PCDHA7: variants seen among roughly 807,000 people sequenced by gnomAD.
The protein encoded by PCDHA7 is protocadherin alpha-7.
PCDHA7 carries 37 observed loss-of-function variants against 57.2 expected under a neutral mutation model. The ratio of observed to expected loss-of-function variants is 0.65; its 90% CI spans 0.50 to 0.85. PCDHA7 has a LOEUF of 0.85. Ranked by LOEUF, PCDHA7 falls within the 40% of genes least tolerant of loss-of-function variation. The pLI, the probability that PCDHA7 is intolerant of heterozygous loss-of-function variation, is 0.00. For synonymous variants in PCDHA7, 553 were observed against 558.8 expected, an observed-to-expected ratio of 0.99 and a Z score of 0.15; for missense variants, 1,188 against 1,241.8, an observed-to-expected ratio of 0.96 and a Z score of 0.65.
At chr5:140,875,761 G>C (rs373515339) in intron 1 of PCDHA7, 4 of 1,614,118 alleles carry the variant, frequency 2.5e-6, no homozygotes, top group East Asian at 4.5e-5. Context: ...GAAGCTGTGC[G>C]GGCGGAGCGC....
intron 1 of PCDHA7, among the ~76,000 whole-genome samples, chr5:140,963,686 G>A (rs181667037): frequency 2.7e-4 from 41 of 152,226 alleles, no homozygotes; most frequent in Middle Eastern, 3.4e-3. Flanking sequence ...GTGTTTATCC[G>A]TGTTTGATAT....
chr5:140,849,632 A>G lies in PCDHA7; in HGVS notation c.2355+12894A>G, dbSNP rs2150443246. On this transcript the variant is annotated intron_variant, in intron 1 of 3. Transcript: ENST00000525929. ...TGATTAGTGTGATCGACCTAGACGCAGATGCCAACGGGCAGGTTACCTGCT... is the reference window on the plus strand; with the variant it reads ...TGATTAGTGTGATCGACCTAGACGCGGATGCCAACGGGCAGGTTACCTGCT... The G allele has an allele frequency of 2.5e-6, 4 of 1,598,772 alleles. No homozygotes were observed. In the South Asian group the frequency reaches 4.4e-5, roughly 18 times the overall value.
chr5:140,843,586 G>T lies in PCDHA7; in HGVS notation c.2355+6848G>T, dbSNP rs2150363126. The T allele has an allele frequency of 4.4e-6, 7 of 1,596,012 alleles. 1 individual carries two copies. Among genetic ancestry groups the T allele is most frequent in the African/African-American group, 1.3e-5 (1 of 74,542 alleles). Reference sequence around the variant, plus strand: ...GCTGGTCATACTCGCAACAACAGCCGCAGAGGGTGTGCTCTGGTGAGGGGC... The same window carrying T: ...GCTGGTCATACTCGCAACAACAGCCTCAGAGGGTGTGCTCTGGTGAGGGGC... On this transcript the variant is annotated intron_variant, in intron 1 of 3. Coordinates refer to ENST00000525929, the MANE Select transcript of PCDHA7 (RefSeq NM_018910.3).
At chr5:140,844,657 C>A (rs1252310311) in intron 1 of PCDHA7, among the ~76,000 whole-genome samples, 1 of 149,150 alleles carries the variant, frequency 6.7e-6, no homozygotes, top group Non-Finnish European at 1.5e-5. Context: ...TCTTGCAAAC[C>A]AAACATATAA....
chr5:140,977,610 A>G (rs1056611698), intron 1 of PCDHA7, among the ~76,000 whole-genome samples: 1 of 152,196 alleles, frequency 6.6e-6, no homozygotes, highest in Non-Finnish European at 1.5e-5. Context: ...CCATTGAGGT[A>G]AAGTATCCCA....
chr5:140,925,088 A>G (rs536355365), intron 1 of PCDHA7, among the ~76,000 whole-genome samples: 11 of 151,436 alleles, frequency 7.3e-5, no homozygotes, highest in African/African-American at 2.7e-4. Context: ...CTGGAAAGGA[A>G]GGAAGGAAGG....
intron 1 of PCDHA7, among the ~76,000 whole-genome samples, chr5:140,840,993 A>C (rs1209699750): frequency 6.6e-6 from 1 of 152,060 alleles, no homozygotes; most frequent in Admixed American, 6.6e-5. Flanking sequence ...AGCTGAAACT[A>C]ATGTAAGGAG....
At chr5:140,995,352 C>T (rs976879377) in intron 3 of PCDHA7, among the ~76,000 whole-genome samples, 2 of 152,006 alleles carry the variant, frequency 1.3e-5, no homozygotes, top group Non-Finnish European at 2.9e-5. Context: ...ATGGATAGGT[C>T]GGACAGAGGG....
chr5:140,905,248 C>A (rs143714633), intron 1 of PCDHA7, among the ~76,000 whole-genome samples: 43 of 152,208 alleles, frequency 2.8e-4, no homozygotes, highest in African/African-American at 8.7e-4. Context: ...TTCATTCTTC[C>A]ACATGAGGCT....
intron 1 of PCDHA7, 127 bp from the exon 2 acceptor site, chr5:140,978,822 A>G: frequency 6.6e-7 from 1 of 1,521,216 alleles, no homozygotes; most frequent in Non-Finnish European, 8.8e-7. Context: ...GTTACACATG[A>G]AATGGCTCAT....
intron 1 of PCDHA7, among the ~76,000 whole-genome samples, chr5:140,936,916 A>C (rs782442769): frequency 3.0e-4 from 46 of 152,222 alleles, no homozygotes; most frequent in Non-Finnish European, 6.6e-4. Context: ...ATCTGTAGAA[A>C]ATATGGGGTA....
At chr5:140,849,767 G>A (rs1373587941) in intron 1 of PCDHA7, 1 of 1,598,498 alleles carries the variant, frequency 6.3e-7, no homozygotes, top group Non-Finnish European at 8.6e-7. Flanking sequence ...ACGAGCTGGT[G>A]GTTACCGCGC....
chr5:140,855,044 T>C lies in PCDHA7; in HGVS notation c.2355+18306T>C, dbSNP rs1055824292. ...TCTTGTATAAAGGATTTTTCTGTAA[T>C]AGTACTTTTCTGTTTTCTTAAATAC... On this transcript the variant is annotated intron_variant, in intron 1 of 3. Coordinates refer to ENST00000525929, the MANE Select transcript of PCDHA7 (RefSeq NM_018910.3). 4.0e-5 allele frequency among the ~76,000 whole-genome samples: 6 copies of C among 149,952 alleles called. 2 individuals carry two copies. The highest frequency in any genetic ancestry group is 8.9e-5 in the Non-Finnish European group (6 of 67,110).
chr5:140,910,183 A>C (rs2074920018), intron 1 of PCDHA7, among the ~76,000 whole-genome samples: 1 of 152,238 alleles, frequency 6.6e-6, no homozygotes, highest in Non-Finnish European at 1.5e-5. Context: ...TTTATAATTC[A>C]AATTAGTCTT....
intron 1 of PCDHA7, among the ~76,000 whole-genome samples, chr5:140,941,198 TC>T (rs2092794663): frequency 1.7e-5 from 2 of 119,812 alleles, no homozygotes; most frequent in African/African-American, 6.9e-5. Context: ...TTTTTTTCTT[TC>T]TTCCTTTCTT....
In PCDHA7 at chr5:140,857,042, C is replaced by T. The variant is rs147770909; in HGVS notation, c.2355+20304C>T. The T allele has an allele frequency of 1.1e-5, 18 of 1,595,436 alleles. 1 individual carries two copies. In the African/African-American group the frequency reaches 1.2e-4, roughly 11 times the overall value. ...TAAGGGAAACCCACCTATGGTTGGTCACTGCACGGTCCTAGTGGAACTACT... is the reference window on the plus strand; with the variant it reads ...TAAGGGAAACCCACCTATGGTTGGTTACTGCACGGTCCTAGTGGAACTACT... On this transcript the variant is annotated intron_variant, in intron 1 of 3. Coordinates refer to ENST00000525929, the MANE Select transcript of PCDHA7 (RefSeq NM_018910.3).
intron 1 of PCDHA7, chr5:140,862,140 G>A (rs2047224781): frequency 6.1e-6 from 1 of 162,900 alleles, no homozygotes; most frequent in Admixed American, 5.7e-5. Flanking sequence ...AGGTTTTGAG[G>A]AAACTAAATA....
chr5:140,978,575 G>A (rs2096810585), intron 1 of PCDHA7, among the ~76,000 whole-genome samples: 1 of 152,202 alleles, frequency 6.6e-6, no homozygotes, highest in African/African-American at 2.4e-5. Flanking sequence ...ATACTGAATT[G>A]GGAATGTTCC....
chr5:140,836,431 C>G lies in PCDHA7; in HGVS notation c.2048C>G (p.Ser683Trp), dbSNP rs2150260872. 14 of 1,613,820 alleles carry G rather than the reference C, an allele frequency of 8.7e-6. No homozygotes were observed. Among genetic ancestry groups the G allele is most frequent in the Admixed American group, 1.7e-5 (1 of 60,008 alleles). The change falls in exon 1 of 4, where the codon TCG becomes TGG. Residue 683 changes from serine to tryptophan, a missense_variant. Ser to Trp is a radical substitution (Grantham distance 177). This residue lies in a region of PCDHA7 where 892 missense variants were observed against 788.5 expected (regional missense o/e 1.13). Coordinates refer to ENST00000525929, the MANE Select transcript of PCDHA7 (RefSeq NM_018910.3). ...GCACCAAAGGCGTCGTCGCGGGCAT[C>G]GTTGGGCATTGCAGGCCCAGAGACC... ...GQAPKASSRA[S>W]LGIAGPETEL...
Sources: gnomAD v4.1 joint callset for allele counts (sites outside exome capture counted in the v4.1 genomes callset) on GRCh38, gnomAD v4.1.1 for gene constraint, gnomAD v4.1.1 regional missense constraint, MANE v1.5 for transcripts, NCBI Gene and HGNC (gene_info 2026-07-23, HGNC 2026-07-21) for gene names.